N4BP2L2: variants seen among roughly 807,000 people sequenced by gnomAD.
N4BP2L2 encodes NEDD4-binding protein 2-like 2.
A neutral mutation model predicts 56.2 loss-of-function variants in N4BP2L2; 50 were observed. The observed-to-expected ratio is 0.89, with a 90% confidence interval of 0.71 to 1.13. The LOEUF (loss-of-function observed/expected upper bound fraction) is 1.13. Among genes scored for constraint, N4BP2L2 ranks in the 50% most tolerant of loss-of-function variants. N4BP2L2 has a pLI of 0.00. For synonymous variants in N4BP2L2, 203 were observed against 223.6 expected (o/e 0.91, Z 0.82); for missense variants, 689 against 693.8 (o/e 0.99, Z 0.08).
chr13:32,437,606 C>T (rs1015804373), intron 8 of N4BP2L2, among the ~76,000 whole-genome samples: 8 of 152,206 alleles, frequency 5.3e-5, no homozygotes, highest in African/African-American at 1.9e-4. Context: ...GGAAAATGAA[C>T]AGCCCTCAGA....
At chr13:32,434,639 G>A (rs1308946565) in intron 9 of N4BP2L2, among the ~76,000 whole-genome samples, 1 of 152,024 alleles carries the variant, frequency 6.6e-6, no homozygotes. Flanking sequence ...ATTTGTAAAT[G>A]GGCACCGACT....
chr13:32,472,514 C>T (rs2082508294), intron 6 of N4BP2L2, among the ~76,000 whole-genome samples: 2 of 152,202 alleles, frequency 1.3e-5, no homozygotes, highest in Admixed American at 1.3e-4. Flanking sequence ...CCAAGGAAGG[C>T]ACGTTCATCA....
chr13:32,519,643 C>T (rs1035550040), intron 5 of N4BP2L2, among the ~76,000 whole-genome samples: 1 of 151,878 alleles, frequency 6.6e-6, no homozygotes, highest in Non-Finnish European at 1.5e-5. Context: ...AAATGAGACT[C>T]TGTCTGAAAA....
chr13:32,435,512 GCGT>G (rs2075377030), intron 9 of N4BP2L2, among the ~76,000 whole-genome samples: 1 of 152,178 alleles, frequency 6.6e-6, no homozygotes, highest in Non-Finnish European at 1.5e-5. Context: ...GGGAGTATAG[GCGT>G]GAGCCACCAC....
chr13:32,514,361 C>A (rs2048748433), exon 6 of N4BP2L2: 1 of 151,734 alleles, frequency 6.6e-6, no homozygotes, highest in Non-Finnish European at 1.5e-5. Context: ...ACCTATGGAA[C>A]AAACAAAAAA....
chr13:32,523,233 A>C (rs2051507694), intron 3 of N4BP2L2: 1 of 152,220 alleles, frequency 6.6e-6, no homozygotes. Flanking sequence ...TCTATTAAAA[A>C]TAAAAAAATT....
intron 2 of N4BP2L2, among the ~76,000 whole-genome samples, chr13:32,533,246 TA>T (rs1185346345): frequency 2.6e-5 from 4 of 152,034 alleles, no homozygotes; most frequent in Non-Finnish European, 4.4e-5. Flanking sequence ...ATAAATCAAT[TA>T]GGGGGAAAAG....
intron 6 of N4BP2L2, among the ~76,000 whole-genome samples, chr13:32,445,692 C>T (rs1428136007): frequency 1.3e-5 from 2 of 152,138 alleles, no homozygotes; most frequent in Admixed American, 1.3e-4. Context: ...CCACACATTA[C>T]CAATATCAGG....
chr13:32,521,877 G>A, intron 4 of N4BP2L2: 1 of 317,616 alleles, frequency 3.1e-6, no homozygotes, highest in Non-Finnish European at 5.7e-6. Context: ...TCAGGTGGCT[G>A]AGGCAGGAGA....
At chr13:32,517,499 G>A in exon 6 of N4BP2L2, 1 of 1,092,296 alleles carries the variant, frequency 9.2e-7, no homozygotes, top group Non-Finnish European at 1.1e-6. Flanking sequence ...CTATAAAATA[G>A]ATAAATTAGT....
chr13:32,482,100 T>A (rs2084879737), intron 6 of N4BP2L2, among the ~76,000 whole-genome samples: 2 of 152,218 alleles, frequency 1.3e-5, no homozygotes, highest in South Asian at 4.1e-4. Flanking sequence ...TTTTTGTATG[T>A]CTTAAATATT....
chr13:32,485,678 G>A (rs2085701200), intron 6 of N4BP2L2, among the ~76,000 whole-genome samples: 1 of 152,048 alleles, frequency 6.6e-6, no homozygotes, highest in Non-Finnish European at 1.5e-5. Flanking sequence ...TAGAACAAAG[G>A]ATAAAAACCA....
intron 6 of N4BP2L2, among the ~76,000 whole-genome samples, chr13:32,492,278 T>C (rs915633539): frequency 1.3e-4 from 17 of 126,698 alleles, no homozygotes; most frequent in Middle Eastern, 3.6e-3. Context: ...CCAAAATTTT[T>C]TTTTTTTTTT....
intron 6 of N4BP2L2, among the ~76,000 whole-genome samples, chr13:32,479,911 TGA>T (rs148503038): frequency 6.5e-5 from 9 of 139,032 alleles, no homozygotes; most frequent in South Asian, 2.3e-4. Flanking sequence ...AGACACAGAG[TGA>T]GAGAGAGAGA....
intron 6 of N4BP2L2, among the ~76,000 whole-genome samples, chr13:32,496,474 T>C (rs1006709167): frequency 6.6e-6 from 1 of 152,190 alleles, no homozygotes; most frequent in Admixed American, 6.5e-5. Context: ...ATTGTTATAA[T>C]AAGAATGACA....
chr13:32,520,622 G>A (rs2140007648), intron 5 of N4BP2L2, among the ~76,000 whole-genome samples: 1 of 150,394 alleles, frequency 6.6e-6, no homozygotes, highest in African/African-American at 2.4e-5. Context: ...TTGCACCACT[G>A]CACTCCAGCC....
chr13:32,496,028 C>G (rs1434006187), intron 6 of N4BP2L2, among the ~76,000 whole-genome samples: 1 of 152,120 alleles, frequency 6.6e-6, no homozygotes, highest in Non-Finnish European at 1.5e-5. Context: ...ACTGATTCCC[C>G]AGAGTTGCCT....
Position 32,503,172 on chromosome 13 carries a change from CAAA to C in N4BP2L2, c.365+14682_365+14684del, listed in dbSNP as rs35773755. ...TAGGTGACAGAGCAAGACTCTGTAG[CAAA>C]AAAAAAAAAAAAAAAAAAAAAATTA... On this transcript the variant is annotated intron_variant, in intron 6 of 9. Transcript: ENST00000357505. 1.9e-3 allele frequency among the ~76,000 whole-genome samples: 113 copies of C among 57,990 alleles called. 1 individual carries two copies. The highest frequency in any genetic ancestry group is 6.5e-3 in the African/African-American group (107 of 16,342). The allele number at this position is 57,990 out of a possible 152,430, so 38.0% of individuals were successfully genotyped here.
At chr13:32,437,103 G>A (rs1022397276) in intron 8 of N4BP2L2, among the ~76,000 whole-genome samples, 11 of 151,862 alleles carry the variant, frequency 7.2e-5, no homozygotes, top group African/African-American at 1.7e-4. Flanking sequence ...GGCTGGTCTC[G>A]AACTCCTGAC....
Sources: allele counts gnomAD v4.1 joint callset (sites outside exome capture counted in the v4.1 genomes callset), GRCh38; gene constraint gnomAD v4.1.1; transcripts MANE v1.5; gene names NCBI Gene and HGNC (gene_info 2026-07-23, HGNC 2026-07-21).